The following ADRA1D variants were observed in gnomAD, a reference collection of about 807,000 sequenced individuals.
ADRA1D encodes alpha-1D adrenergic receptor.
In ADRA1D, 22 loss-of-function variants were observed where a neutral mutation model predicts 18.6. The observed-to-expected ratio is 1.19, with a 90% confidence interval of 0.85 to 1.69. The LOEUF (loss-of-function observed/expected upper bound fraction) is 1.69, where lower values mean the gene tolerates loss of function less well. Ranked by LOEUF, ADRA1D falls within the 40% of genes most tolerant of loss-of-function variation. ADRA1D has a pLI of 0.00. For synonymous variants in ADRA1D, 376 were observed against 388.2 expected (o/e 0.97, Z 0.37); for missense variants, 840 against 840.7 (o/e 1.00, Z 0.01).
chr20:4,231,066 C>CTTCCTTTCTTTCTTTCTTTCTTTCTT (rs778795892), intron 1 of ADRA1D, among the ~76,000 whole-genome samples: 1 of 96,048 alleles, frequency 1.0e-5, no homozygotes, highest in African/African-American at 4.2e-5. Context: ...TTCTTTCTTT[C>CTTCCTTTCTTTCTTTCTTTCTTTCTT]TCTCTCTCTC....
chr20:4,224,212 C>G (rs1319707528), intron 1 of ADRA1D, among the ~76,000 whole-genome samples: 1 of 152,120 alleles, frequency 6.6e-6, no homozygotes, highest in Non-Finnish European at 1.5e-5. Flanking sequence ...GAGATAGAGC[C>G]TGGAATTAAG....
chr20:4,223,295 G>A (rs1980717831), intron 1 of ADRA1D, among the ~76,000 whole-genome samples: 1 of 152,048 alleles, frequency 6.6e-6, no homozygotes. Context: ...ATATTTTGAT[G>A]GCTTTTCCAA....
At position 4,221,814 on chromosome 20, in the gene ADRA1D, G is replaced by C. The variant is rs758357774; in HGVS notation, c.1428C>G (p.Gly476=). Residue 476 remains glycine, a synonymous_variant, in exon 2 of 2, where the codon GGC becomes GGG. Coordinates refer to ENST00000379453, the MANE Select transcript of ADRA1D (RefSeq NM_000678.4). The part of the protein sequence containing the change: ...ALPDPDPEPP[G]TPEMQAPVAS... ...CGACCGGAGCCTGCATCTCGGGCGTGCCTGGGGGTTCGGGGTCGGGGTCGG... is the reference window on the plus strand; with the variant it reads ...CGACCGGAGCCTGCATCTCGGGCGTCCCTGGGGGTTCGGGGTCGGGGTCGG... The C allele has an allele frequency of 1.5e-4, 234 of 1,542,148 alleles. No individual in the cohort carries two copies. Among genetic ancestry groups the C allele is most frequent in the Middle Eastern group, 5.6e-4 (3 of 5,354 alleles).
chr20:4,231,038 T>TTATCTTTCTTTCTTTCTTTCTTTCTTTC (rs71332805), intron 1 of ADRA1D, among the ~76,000 whole-genome samples: 1 of 108,526 alleles, frequency 9.2e-6, no homozygotes, highest in Admixed American at 1.0e-4. Flanking sequence ...CTTTCTTTCT[T>TTATCTTTCTTTCTTTCTTTCTTTCTTTC]TTTCTTTCTT....
intron 1 of ADRA1D, among the ~76,000 whole-genome samples, chr20:4,230,937 G>A (rs1389064455): frequency 6.6e-6 from 1 of 152,172 alleles, no homozygotes; most frequent in Admixed American, 6.5e-5. Context: ...CATACAATTT[G>A]CTATTGCTCC....
chr20:4,224,321 A>C (rs1980741467), intron 1 of ADRA1D, among the ~76,000 whole-genome samples: 2 of 152,148 alleles, frequency 1.3e-5, no homozygotes, highest in Admixed American at 1.3e-4. Context: ...GCTTTGAAAA[A>C]GGAGAGTGCC....
At chr20:4,240,264 C>T (rs756618675) in intron 1 of ADRA1D, among the ~76,000 whole-genome samples, 2 of 152,098 alleles carry the variant, frequency 1.3e-5, no homozygotes, top group African/African-American at 2.4e-5. Context: ...ATAGGCAAAT[C>T]GACCATATGC....
rs61759834 is a variant in ADRA1D, at chr20:4,222,178, G to A, written c.1112-48C>T. ...CTATTTAGCTGCTTGGGGAGGGGGA[G>A]GCCAGGCGGCTCTGGGCGCAAAGGG... On this transcript the variant is annotated intron_variant, in intron 1 of 1. Transcript: ENST00000379453. The surrounding 1 kb of genome is among the most constrained non-coding windows in gnomAD (Gnocchi z 4.3). 9.2e-4 allele frequency: 1,460 copies of A among 1,583,656 alleles called. 2 individuals carry two copies. The highest frequency in any genetic ancestry group is 8.4e-4 in the Non-Finnish European group (972 of 1,163,632).
intron 1 of ADRA1D, among the ~76,000 whole-genome samples, chr20:4,227,704 C>CCTTCCCTTCCTTCCTTCCTTCCT (rs1980839730): frequency 2.2e-5 from 2 of 92,542 alleles, no homozygotes; most frequent in Non-Finnish European, 4.3e-5. Flanking sequence ...CCCTCCCTCC[C>CCTTCCCTTCCTTCCTTCCTTCCT]TCCTTCCTTC....
intron 1 of ADRA1D, among the ~76,000 whole-genome samples, chr20:4,238,018 CG>C (rs1283566675): frequency 6.7e-6 from 1 of 148,320 alleles, no homozygotes; most frequent in Non-Finnish European, 1.5e-5. Context: ...GAGGCCGAGG[CG>C]GGCGGATCAC....
Position 4,249,007 on chromosome 20 carries a change from G to A in ADRA1D, c.-50C>T, listed in dbSNP as rs1486602523. 3.3e-6 allele frequency: 4 copies of A among 1,229,150 alleles called. No individual in the cohort carries two copies. The highest frequency in any genetic ancestry group is 3.6e-5 in the Admixed American group (1 of 27,932). The allele number at this position is 1,229,150 out of a possible 1,614,324, so 76.1% of individuals were successfully genotyped here. On this transcript the variant is annotated 5_prime_UTR_variant, in exon 1 of 2. Coordinates refer to ENST00000379453, the MANE Select transcript of ADRA1D (RefSeq NM_000678.4). The stretch of plus-strand genomic sequence containing the variant: ...GGGCCGGGGCACAGAACGAGCGGCC[G>A]GCAGGGAGGGGAGCACAGGGCATAG...
intron 1 of ADRA1D, among the ~76,000 whole-genome samples, chr20:4,223,555 A>C (rs1189295595): frequency 2.6e-5 from 4 of 152,176 alleles, no homozygotes; most frequent in African/African-American, 9.7e-5. Flanking sequence ...TTTGAGATGC[A>C]GGTGGGGTGA....
Position 4,222,764 on chromosome 20 carries a change from G to A in ADRA1D, c.1112-634C>T, listed in dbSNP as rs987150560. ...AATTCTGCTTTAATAGAATTGCTGA[G>A]CAAGTTCAATAAAATTTTGTACATA... On this transcript the variant is annotated intron_variant, in intron 1 of 1. Coordinates refer to ENST00000379453, the MANE Select transcript of ADRA1D (RefSeq NM_000678.4). This position sits in a 1 kb window ranked among gnomAD's most constrained non-coding sequence, Gnocchi z 4.3. Among the ~76,000 whole-genome samples the A allele has an allele frequency of 6.6e-6, 1 of 152,082 alleles. No homozygotes were observed. Among genetic ancestry groups the A allele is most frequent in the African/African-American group, 2.4e-5 (1 of 41,386 alleles).
rs976143259 is a variant in ADRA1D, at chr20:4,221,439, C to T, written c.*84G>A. On this transcript the variant is annotated 3_prime_UTR_variant, in exon 2 of 2. Coordinates refer to ENST00000379453, the MANE Select transcript of ADRA1D (RefSeq NM_000678.4). ...TCAGTTTCCGGGTCTCCGATTTGCA[C>T]GGGGGCTCTTAGAACACCAGCCCGC... 2.8e-6 allele frequency: 4 copies of T among 1,441,860 alleles called. No homozygotes were observed. Among genetic ancestry groups the T allele is most frequent in the South Asian group, 1.4e-5 (1 of 73,460 alleles). 89.3% of individuals were successfully genotyped at this position (1,441,860 alleles called of 1,614,324 possible).
At position 4,221,806 on chromosome 20, in the gene ADRA1D, T is replaced by G. The variant is rs1218790929; in HGVS notation, c.1436A>C (p.Glu479Ala). Residue 479 changes from glutamate to alanine, a missense_variant, in exon 2 of 2, where the codon GAG becomes GCG. Transcript: ENST00000379453. ...ACGGCTGGCGACCGGAGCCTGCATC[T>G]CGGGCGTGCCTGGGGGTTCGGGGTC... is the stretch of plus-strand genomic sequence containing the variant. ...DPDPEPPGTP[E>A]MQAPVASRRK... 7.0e-7 allele frequency: 1 copy of G among 1,438,192 alleles called. No homozygotes were observed. The highest frequency in any genetic ancestry group is 9.2e-7 in the Non-Finnish European group (1 of 1,085,758). 89.1% of individuals were successfully genotyped at this position (1,438,192 alleles called of 1,614,324 possible). A position where few individuals can be genotyped will look rare whatever the true frequency, so the allele number is the denominator to read the frequency against.
intron 1 of ADRA1D, among the ~76,000 whole-genome samples, chr20:4,224,436 T>A (rs1980744172): frequency 6.6e-6 from 1 of 152,112 alleles, no homozygotes; most frequent in South Asian, 2.1e-4. Flanking sequence ...GAAAAGGTCA[T>A]TTTTCCAGAA....
chr20:4,248,019 CGTG>C lies in ADRA1D; in HGVS notation c.936_938del (p.Thr313del). On this transcript the variant is annotated inframe_deletion, in exon 1 of 2. Transcript: ENST00000379453. Reference sequence around the variant, plus strand: ...GCATGCCGTGCGCCCCGTCGGCGCCCGTGGCCGCGCCGCGACAGTGGATGCGCA... The same window carrying C: ...GCATGCCGTGCGCCCCGTCGGCGCCCGCCGCGCCGCGACAGTGGATGCGCA... 6.4e-7 allele frequency: 1 copy of C among 1,554,906 alleles called. No individual in the cohort carries two copies. The highest frequency in any genetic ancestry group is 2.4e-5 in the East Asian group (1 of 41,058).
chr20:4,245,885 CT>C (rs1981325604), intron 1 of ADRA1D, among the ~76,000 whole-genome samples: 1 of 152,170 alleles, frequency 6.6e-6, no homozygotes, highest in Non-Finnish European at 1.5e-5. Context: ...GGGTCCGTTG[CT>C]TGCCCCATCC....
At chr20:4,228,023 A>C (rs1486500173) in intron 1 of ADRA1D, among the ~76,000 whole-genome samples, 1 of 151,960 alleles carries the variant, frequency 6.6e-6, no homozygotes, top group Non-Finnish European at 1.5e-5. Flanking sequence ...TGAGCATTTC[A>C]TTTCTTCACT....
Sources: allele counts gnomAD v4.1 joint callset (sites outside exome capture counted in the v4.1 genomes callset), GRCh38; gene constraint gnomAD v4.1.1; non-coding constraint Gnocchi (gnomAD v3.1); transcripts MANE v1.5; gene names NCBI Gene and HGNC (gene_info 2026-07-23, HGNC 2026-07-21).